The following ANKRD42 variants were observed in gnomAD, a reference collection of about 807,000 sequenced individuals.
ANKRD42 encodes the protein ankyrin repeat domain 42, also known as ankyrin repeat domain-containing protein 42.
Under a neutral mutation model 51.5 loss-of-function variants are expected in ANKRD42, and 43 were observed. The observed-to-expected ratio is 0.83, with a 90% CI of 0.65 to 1.08. ANKRD42 has a LOEUF of 1.08. Among genes scored for constraint, ANKRD42 ranks in the 50% least tolerant of loss-of-function variants. The probability of loss-of-function intolerance (pLI) is 0.00; values close to 1 mark genes in which losing one functional copy is unlikely to be tolerated. For synonymous variants in ANKRD42, 203 were observed against 213.0 expected (o/e 0.95, Z 0.41); for missense variants, 608 against 629.3 (o/e 0.97, Z 0.36).
intron 8 of ANKRD42, 67 bp from the exon 9 acceptor site, chr11:83,240,692 A>G (rs1341953040): frequency 8.3e-6 from 13 of 1,565,374 alleles, no homozygotes; most frequent in Admixed American, 1.7e-5. Context: ...CCCTAAGTTA[A>G]GTGCAAGCTG....
chr11:83,201,371 GTGC>G (rs1861867046), intron 2 of ANKRD42, among the ~76,000 whole-genome samples: 1 of 152,122 alleles, frequency 6.6e-6, no homozygotes, highest in Non-Finnish European at 1.5e-5. Context: ...TGGTGTATAT[GTGC>G]CACATTTTCT....
chr11:83,237,846 C>T (rs184065942), intron 8 of ANKRD42, among the ~76,000 whole-genome samples: 2,744 of 152,218 alleles, frequency 0.018, 63 homozygotes, highest in African/African-American at 0.058. Context: ...TATTCATCAC[C>T]GTCAAAGTCT....
chr11:83,213,499 T>C (rs1409809117), intron 5 of ANKRD42: 10 of 1,326,854 alleles, frequency 7.5e-6, no homozygotes, highest in South Asian at 5.0e-5. Flanking sequence ...GTGTTAGGCT[T>C]CCTTCGCTTT....
At chr11:83,237,840 C>A (rs909395360) in intron 8 of ANKRD42, among the ~76,000 whole-genome samples, 1 of 152,154 alleles carries the variant, frequency 6.6e-6, no homozygotes, top group African/African-American at 2.4e-5. Context: ...TGAACATATT[C>A]ATCACCGTCA....
At chr11:83,261,209 G>C (rs1233375558), downstream of ANKRD42, 1 of 152,154 alleles carries the variant, frequency 6.6e-6, no homozygotes, top group Non-Finnish European at 1.5e-5. Context: ...TGGAATTACA[G>C]GCATGTGCCA....
At chr11:83,225,111 A>G in intron 6 of ANKRD42, 56 bp downstream of exon 6, 1 of 1,460,488 alleles carries the variant, frequency 6.8e-7, no homozygotes. Context: ...GATGATGATA[A>G]TATAATGAGT....
intron 3 of ANKRD42, among the ~76,000 whole-genome samples, chr11:83,207,601 T>C (rs193190648): frequency 4.0e-4 from 61 of 152,310 alleles, no homozygotes; most frequent in African/African-American, 1.3e-3. Context: ...AAATAATGAT[T>C]GTCATTCATT....
chr11:83,251,969 CAA>C, downstream of ANKRD42, among the ~76,000 whole-genome samples: 1 of 152,274 alleles, frequency 6.6e-6, no homozygotes, highest in East Asian at 1.9e-4. Flanking sequence ...AAAGGCAAGC[CAA>C]AGTGTAGAAA....
In ANKRD42 at chr11:83,211,436, T is replaced by C; in HGVS notation, c.586+6T>C. On this transcript the variant is annotated splice_donor_region_variant and intron_variant, in intron 5 of 10. Transcript: ENST00000533342. The stretch of plus-strand genomic sequence containing the variant: ...CTACAATGGAAACCTTCCAGGTATT[T>C]TAAATAAAGCAAATATTTTAGTTTT... The C allele has an allele frequency of 6.2e-7, 1 of 1,612,594 alleles. No homozygotes were observed. The highest frequency in any genetic ancestry group is 8.5e-7 in the Non-Finnish European group (1 of 1,179,488).
chr11:83,262,382 C>T (rs960884865), downstream of ANKRD42, among the ~76,000 whole-genome samples: 35 of 151,984 alleles, frequency 2.3e-4, no homozygotes, highest in African/African-American at 8.0e-4. Context: ...CTTTTCAGTA[C>T]ATTTTTAAAT....
At chr11:83,249,022 TG>T (rs561987656), downstream of ANKRD42, 56 of 976,592 alleles carry the variant, frequency 5.7e-5, no homozygotes, top group Admixed American at 1.2e-4. Context: ...CTTTAGCACA[TG>T]GGGAAAATTT....
At chr11:83,249,192 G>T (rs913668199), downstream of ANKRD42, among the ~76,000 whole-genome samples, 2 of 152,110 alleles carry the variant, frequency 1.3e-5, no homozygotes, top group Non-Finnish European at 2.9e-5. Flanking sequence ...AAGGTAAGTT[G>T]TAAGTTGTTG....
At chr11:83,251,396 A>T (rs1329991947), downstream of ANKRD42, among the ~76,000 whole-genome samples, 1 of 152,214 alleles carries the variant, frequency 6.6e-6, no homozygotes, top group Non-Finnish European at 1.5e-5. Context: ...TATGTTAATA[A>T]CATCATCTTA....
At chr11:83,195,843 CTCTT>C (rs1406204090) in intron 1 of ANKRD42, among the ~76,000 whole-genome samples, 2 of 148,292 alleles carry the variant, frequency 1.3e-5, no homozygotes, top group East Asian at 4.0e-4. Flanking sequence ...CTCTCTCTCT[CTCTT>C]TTTTTTTTTT....
At chr11:83,217,919 C>T (rs1862591709) in intron 5 of ANKRD42, among the ~76,000 whole-genome samples, 1 of 152,166 alleles carries the variant, frequency 6.6e-6, no homozygotes, top group South Asian at 2.1e-4. Flanking sequence ...TCTTGCTTTT[C>T]CCTTTTGGCC....
chr11:83,228,023 C>G (rs1402660339), intron 7 of ANKRD42, 151 bp downstream of exon 7: 1 of 730,656 alleles, frequency 1.4e-6, no homozygotes, highest in Non-Finnish European at 2.0e-6. Flanking sequence ...ATATAGAATG[C>G]CTAATTTTCA....
exon 12 of ANKRD42, chr11:83,256,036 G>A (rs1863767289): frequency 1.3e-6 from 1 of 792,780 alleles, no homozygotes; most frequent in African/African-American, 1.7e-5. Context: ...ACTCTGATAT[G>A]CTTCTGTTCC....
intron 1 of ANKRD42, among the ~76,000 whole-genome samples, chr11:83,197,792 T>G (rs1323941185): frequency 6.6e-6 from 1 of 152,250 alleles, no homozygotes; most frequent in Non-Finnish European, 1.5e-5. Flanking sequence ...GGCCTGCCAT[T>G]CCTTTCTTAG....
intron 6 of ANKRD42, 130 bp from the exon 7 acceptor site, chr11:83,227,617 A>T: frequency 1.2e-6 from 1 of 850,252 alleles, no homozygotes. Flanking sequence ...GGTAGTCATC[A>T]ACTGAACTCA....
Sources: gnomAD v4.1 joint callset for allele counts (sites outside exome capture counted in the v4.1 genomes callset) on GRCh38, gnomAD v4.1.1 for gene constraint, MANE v1.5 for transcripts, NCBI Gene and HGNC (gene_info 2026-07-23, HGNC 2026-07-21) for gene names.